Variants in OSBP2 observed in about 807,000 individuals in gnomAD.
The protein encoded by OSBP2 is oxysterol binding protein 2, also known as oxysterol-binding protein 2.
In OSBP2, 66 loss-of-function variants were observed where a neutral mutation model predicts 96.0. The observed-to-expected ratio is 0.69, with a 90% CI of 0.56 to 0.84. OSBP2 has a LOEUF of 0.84. Ranked by LOEUF, OSBP2 falls within the 40% of genes least tolerant of loss-of-function variation. The pLI, the probability that OSBP2 is intolerant of heterozygous loss-of-function variation, is 0.00. For missense variants in OSBP2, 1,038 were observed against 1,222.7 expected, an observed-to-expected ratio of 0.85 and a Z score of 2.25; for synonymous variants, 525 against 520.9, an observed-to-expected ratio of 1.01 and a Z score of -0.11.
chr22:30,881,791 G>T lies in OSBP2; in HGVS notation c.1108-5635G>T. ...AGCAGAGGAGACCCTGGGAGTCAGG[G>T]ATGGACACCAGGTGGGTGCATCCGG... On this transcript the variant is annotated intron_variant, in intron 3 of 13. Transcript: ENST00000332585. The surrounding 1 kb of genome is among the most constrained non-coding windows in gnomAD (Gnocchi z 4.5). The T allele has an allele frequency of 2.3e-6, 3 of 1,304,192 alleles. No individual in the cohort carries two copies. The highest frequency in any genetic ancestry group is 3.0e-6 in the Non-Finnish European group (3 of 988,924). The allele number at this position is 1,304,192 out of a possible 1,614,324, so 80.8% of individuals were successfully genotyped here. A position where few individuals can be genotyped will look rare whatever the true frequency, so the allele number is the denominator to read the frequency against.
chr22:30,858,248 G>A (rs562156814), intron 2 of OSBP2, among the ~76,000 whole-genome samples: 98 of 150,344 alleles, frequency 6.5e-4, no homozygotes, highest in Admixed American at 2.5e-3. Flanking sequence ...CCGGGTTCAC[G>A]CCATTCTCCT....
chr22:30,872,528 A>C (rs2039479917), intron 3 of OSBP2: 1 of 377,404 alleles, frequency 2.6e-6, no homozygotes, highest in Admixed American at 3.1e-5. Flanking sequence ...TGAGAAGCAC[A>C]ACCCCCTGGG....
chr22:30,872,951 T>C (rs959961377), intron 3 of OSBP2, among the ~76,000 whole-genome samples: 3 of 152,212 alleles, frequency 2.0e-5, no homozygotes, highest in African/African-American at 7.2e-5. Flanking sequence ...ATTCCCACCC[T>C]TGGCCAGGCC....
intron 2 of OSBP2, among the ~76,000 whole-genome samples, chr22:30,759,302 T>G (rs764212625): frequency 1.8e-4 from 28 of 152,116 alleles, no homozygotes; most frequent in Non-Finnish European, 3.8e-4. Context: ...GAGCCGAGAT[T>G]GCACCACTGC....
rs1367024735 is a variant in OSBP2 at position 30,907,259 on chromosome 22, T to C, written c.*920T>C. On this transcript the variant is annotated 3_prime_UTR_variant, in exon 14 of 14. Transcript: ENST00000332585. Reference sequence around the variant, plus strand: ...AGAGACCTTGCATCCCTCCTCATCCTAGGAGGCCCCTAGGGGTGCCCCATC... The same window carrying C: ...AGAGACCTTGCATCCCTCCTCATCCCAGGAGGCCCCTAGGGGTGCCCCATC... 6.6e-6 allele frequency: 1 copy of C among 152,476 alleles called. No homozygotes were observed. The allele number at this position is 152,476 out of a possible 1,614,324, so 9.4% of individuals were successfully genotyped here. A position where few individuals can be genotyped will look rare whatever the true frequency, so the allele number is the denominator to read the frequency against.
intron 2 of OSBP2, among the ~76,000 whole-genome samples, chr22:30,803,675 A>C (rs1459995363): frequency 6.6e-6 from 1 of 152,196 alleles, no homozygotes; most frequent in Non-Finnish European, 1.5e-5. Context: ...CAGTCTCCGT[A>C]GGCACCTGAG....
chr22:30,721,207 CAG>C (rs2089544316), intron 1 of OSBP2, among the ~76,000 whole-genome samples: 1 of 152,104 alleles, frequency 6.6e-6, no homozygotes, highest in South Asian at 2.1e-4. Context: ...GCCTGGGTGA[CAG>C]AGGGAGACTC....
rs1276439692 is a variant in OSBP2, at chr22:30,870,278, C to T, written c.854-151C>T. On this transcript the variant is annotated intron_variant, in intron 2 of 13. Transcript: ENST00000332585. The surrounding 1 kb of genome is among the most constrained non-coding windows in gnomAD (Gnocchi z 4.1). ...CTGGGCCAGGATGGGGCAGGCACCT[C>T]ACCCCGGCCAGGAACAGGAACGGGC... is the stretch of plus-strand genomic sequence containing the variant. 1 of 824,872 alleles carries T rather than the reference C, an allele frequency of 1.2e-6. No individual in the cohort carries two copies. The highest frequency in any genetic ancestry group is 1.9e-6 in the Non-Finnish European group (1 of 534,114). The allele number at this position is 824,872 out of a possible 1,614,324, so 51.1% of individuals were successfully genotyped here. A position where few individuals can be genotyped will look rare whatever the true frequency, so the allele number is the denominator to read the frequency against.
chr22:30,848,369 ATGTC>A (rs1569148910), intron 2 of OSBP2, among the ~76,000 whole-genome samples: 1 of 152,192 alleles, frequency 6.6e-6, no homozygotes. Flanking sequence ...GTATATCTGT[ATGTC>A]TGTAGGATAA....
intron 12 of OSBP2, among the ~76,000 whole-genome samples, chr22:30,898,884 T>A (rs181356637): frequency 4.9e-4 from 72 of 148,444 alleles, no homozygotes; most frequent in Admixed American, 2.1e-3. Flanking sequence ...ATAATAATAA[T>A]AATAAAAGCA....
intron 2 of OSBP2, among the ~76,000 whole-genome samples, chr22:30,847,621 T>C (rs1465455527): frequency 6.6e-6 from 1 of 152,224 alleles, no homozygotes; most frequent in Non-Finnish European, 1.5e-5. Context: ...CAAAGCCTTC[T>C]GAGCCCTGAG....
intron 2 of OSBP2, chr22:30,822,508 G>GGACCCTCGAGTGTCCGCCGCCTC: frequency 7.4e-7 from 1 of 1,348,416 alleles, no homozygotes; most frequent in Non-Finnish European, 9.5e-7. Flanking sequence ...CGCGGCGCCG[G>GGACCCTCGAGTGTCCGCCGCCTC]GACCCACGAG....
intron 2 of OSBP2, among the ~76,000 whole-genome samples, chr22:30,807,614 C>G (rs1367795785): frequency 1.3e-5 from 2 of 152,176 alleles, no homozygotes; most frequent in African/African-American, 2.4e-5. Context: ...GCCTGCTCTT[C>G]TCTCCCACAT....
At chr22:30,694,289 G>C (rs1460709731), upstream of OSBP2, 1 of 1,549,766 alleles carries the variant, frequency 6.5e-7, no homozygotes, top group Non-Finnish European at 8.7e-7. Context: ...TGGAGGCGGT[G>C]AGGCGGCCAC....
At chr22:30,898,247 G>A (rs1281706913) in intron 12 of OSBP2, among the ~76,000 whole-genome samples, 1 of 152,096 alleles carries the variant, frequency 6.6e-6, no homozygotes, top group African/African-American at 2.4e-5. Flanking sequence ...AGATACTCAG[G>A]AGGACTGAGG....
At chr22:30,830,018 G>A (rs1322170502) in intron 2 of OSBP2, among the ~76,000 whole-genome samples, 1 of 152,158 alleles carries the variant, frequency 6.6e-6, no homozygotes, top group Non-Finnish European at 1.5e-5. Flanking sequence ...GATGCATGGG[G>A]TTGAGCTGGA....
At position 30,888,410 on chromosome 22, in the gene OSBP2, C is replaced by CTATCTAGT; in HGVS notation, c.1418+72_1418+79dup. On this transcript the variant is annotated intron_variant, in intron 5 of 13. Transcript: ENST00000332585. ...AGGCTGCATCTGGTCTTTTCACCAG[C>CTATCTAGT]TATCTAGTTGTCTACTTGGGGTTTT... 5 of 938,924 alleles carry CTATCTAGT rather than the reference C, an allele frequency of 5.3e-6. No homozygotes were observed. In the South Asian group the frequency reaches 6.6e-5, roughly 12 times the overall value. The allele number at this position is 938,924 out of a possible 1,614,324, so 58.2% of individuals were successfully genotyped here.
intron 2 of OSBP2, among the ~76,000 whole-genome samples, chr22:30,752,887 G>A (rs2090095650): frequency 6.6e-6 from 1 of 152,194 alleles, no homozygotes; most frequent in African/African-American, 2.4e-5. Flanking sequence ...GGAACTTGGT[G>A]TCATTGCTAC....
In OSBP2 at chr22:30,760,376, T is replaced by C. The variant is rs575122189; in HGVS notation, c.853+19007T>C. ...GAAAACTTCGGACCAATATTTCTCA[T>C]GAGCATAGATGAAAACATCTTCAAC... On this transcript the variant is annotated intron_variant, in intron 2 of 13. Coordinates refer to ENST00000332585, the MANE Select transcript of OSBP2 (RefSeq NM_030758.4). 2.0e-5 allele frequency among the ~76,000 whole-genome samples: 3 copies of C among 152,294 alleles called. No individual in the cohort carries two copies. The South Asian group carries it at 6.2e-4, about 32-fold the overall frequency.
Sources: gnomAD v4.1 joint callset for allele counts (sites outside exome capture counted in the v4.1 genomes callset) on GRCh38, gnomAD v4.1.1 for gene constraint, Gnocchi (gnomAD v3.1) non-coding constraint, MANE v1.5 for transcripts, NCBI Gene and HGNC (gene_info 2026-07-23, HGNC 2026-07-21) for gene names.